Variants in B3GALNT2 observed in about 807,000 individuals in gnomAD.
B3GALNT2 encodes the protein UDP-GalNAc:beta-1,3-N-acetylgalactosaminyltransferase 2.
A neutral mutation model predicts 61.1 loss-of-function variants in B3GALNT2; 53 were observed. The ratio of observed to expected loss-of-function variants is 0.87; its 90% CI spans 0.70 to 1.09. The LOEUF (loss-of-function observed/expected upper bound fraction) is 1.09. Ranked by LOEUF, B3GALNT2 falls within the 50% of genes least tolerant of loss-of-function variation. B3GALNT2 has a pLI of 0.00. For missense variants in B3GALNT2, 544 were observed against 623.0 expected (o/e 0.87, Z 1.35); for synonymous variants, 223 against 237.4 (o/e 0.94, Z 0.56).
chr1:235,450,543 T>C (rs770232244), intron 11 of B3GALNT2: 66 of 551,760 alleles, frequency 1.2e-4, no homozygotes, highest in Non-Finnish European at 2.0e-4. Context: ...CCTGTGGCTG[T>C]GGAATACAGA....
At chr1:235,450,861 T>A (rs1682854903) in intron 11 of B3GALNT2, 2 of 152,646 alleles carry the variant, frequency 1.3e-5, no homozygotes, top group African/African-American at 4.8e-5. Context: ...AGAGGAGGGA[T>A]TAAAGACTCC....
At chr1:235,492,582 C>T (rs560234076) in intron 2 of B3GALNT2, among the ~76,000 whole-genome samples, 14 of 152,294 alleles carry the variant, frequency 9.2e-5, no homozygotes, top group Admixed American at 6.5e-4. Context: ...ATTGGGAATA[C>T]ACCAGTGAAA....
chr1:235,465,360 GAGAA>G (rs1451165628), intron 7 of B3GALNT2: 2 of 333,460 alleles, frequency 6.0e-6, no homozygotes, highest in African/African-American at 2.2e-5. Context: ...CAAATCCATA[GAGAA>G]AGAAAGTGCA....
intron 6 of B3GALNT2, 98 bp from the exon 7 acceptor site, chr1:235,465,812 G>A (rs1683667005): frequency 2.1e-6 from 3 of 1,404,210 alleles, no homozygotes; most frequent in African/African-American, 2.9e-5. Flanking sequence ...GACTCCACTT[G>A]CAGCAGATAA....
chr1:235,462,541 C>T (rs909117669), intron 7 of B3GALNT2, among the ~76,000 whole-genome samples: 4 of 152,118 alleles, frequency 2.6e-5, no homozygotes, highest in African/African-American at 9.7e-5. Context: ...AGATCAATCA[C>T]AAAAACAATC....
intron 7 of B3GALNT2, among the ~76,000 whole-genome samples, chr1:235,460,154 C>A (rs1170235018): frequency 1.3e-5 from 2 of 151,630 alleles, no homozygotes; most frequent in East Asian, 3.9e-4. Context: ...CACTCTGTTG[C>A]ACAGACTGGA....
At chr1:235,458,168 A>G (rs1167919890) in intron 8 of B3GALNT2, among the ~76,000 whole-genome samples, 1 of 152,132 alleles carries the variant, frequency 6.6e-6, no homozygotes, top group African/African-American at 2.4e-5. Flanking sequence ...TTGGCTTCCC[A>G]AAGTGCTGCC....
At chr1:235,498,252 C>T (rs1685418642) in intron 1 of B3GALNT2, among the ~76,000 whole-genome samples, 1 of 152,106 alleles carries the variant, frequency 6.6e-6, no homozygotes, top group Non-Finnish European at 1.5e-5. Context: ...ACTCTTATCA[C>T]CTTTTATGTT....
Position 235,448,598 on chromosome 1 carries a change from G to GA in B3GALNT2, c.*1607dup. On this transcript the variant is annotated 3_prime_UTR_variant, in exon 12 of 12. Transcript: ENST00000366600. ...GCTACTGCCTGGGGACGGGGTGGGG[G>GA]AAGAGTATGTGTAGCATGCTTTATC... 1 of 1,417,652 alleles carries GA rather than the reference G, an allele frequency of 7.1e-7. No homozygotes were observed. The highest frequency in any genetic ancestry group is 1.0e-6 in the Non-Finnish European group (1 of 1,001,532). The allele number at this position is 1,417,652 out of a possible 1,614,324, so 87.8% of individuals were successfully genotyped here.
intron 11 of B3GALNT2, chr1:235,450,637 G>C (rs1682842009): frequency 2.9e-6 from 1 of 346,792 alleles, no homozygotes; most frequent in Non-Finnish European, 5.5e-6. Context: ...TGAGTTTCAT[G>C]TTTGCTAGTA....
intron 9 of B3GALNT2, 35 bp from the exon 10 acceptor site, chr1:235,454,350 T>G: frequency 1.9e-6 from 3 of 1,557,634 alleles, no homozygotes; most frequent in Non-Finnish European, 2.6e-6. Context: ...CTTGTGTTAG[T>G]CTGACACATA....
chr1:235,487,076 G>A (rs762638507), intron 3 of B3GALNT2, among the ~76,000 whole-genome samples: 3 of 151,472 alleles, frequency 2.0e-5, no homozygotes, highest in Non-Finnish European at 2.9e-5. Context: ...CAGGAGAATC[G>A]CTTGAACCTG....
Position 235,447,307 on chromosome 1 carries a change from A to G in B3GALNT2, c.*2899T>C, listed in dbSNP as rs1682421292. ...ATTTTTGATAGAAAAATATGTTTGA[A>G]TACACTGTGATATTTGTAGGAACAC... On this transcript the variant is annotated 3_prime_UTR_variant, in exon 12 of 12. Transcript: ENST00000366600. 6.6e-6 allele frequency among the ~76,000 whole-genome samples: 1 copy of G among 152,254 alleles called. No individual in the cohort carries two copies. Among genetic ancestry groups the G allele is most frequent in the South Asian group, 2.1e-4 (1 of 4,832 alleles).
rs1682764466 is a variant in B3GALNT2 at position 235,449,545 on chromosome 1, T to C, written c.*661A>G. Reference sequence around the variant, plus strand: ...TGTGACCTTCAGGATTTATGTTAGATGGCAGAAAGAAAATTTGGGTATTAG... The same window carrying C: ...TGTGACCTTCAGGATTTATGTTAGACGGCAGAAAGAAAATTTGGGTATTAG... On this transcript the variant is annotated 3_prime_UTR_variant, in exon 12 of 12. Coordinates refer to ENST00000366600, the MANE Select transcript of B3GALNT2 (RefSeq NM_152490.5). 2 of 152,464 alleles carry C rather than the reference T, an allele frequency of 1.3e-5. No homozygotes were observed. Among genetic ancestry groups the C allele is most frequent in the Admixed American group, 6.5e-5 (1 of 15,298 alleles). The allele number at this position is 152,464 out of a possible 1,614,324, so 9.4% of individuals were successfully genotyped here.
chr1:235,469,693 C>T (rs1440357084), intron 6 of B3GALNT2, among the ~76,000 whole-genome samples: 2 of 151,652 alleles, frequency 1.3e-5, no homozygotes, highest in African/African-American at 2.4e-5. Flanking sequence ...GCTAGGATTA[C>T]AGGCATGCAC....
intron 1 of B3GALNT2, among the ~76,000 whole-genome samples, chr1:235,496,003 A>G (rs1685301331): frequency 6.6e-6 from 1 of 152,002 alleles, no homozygotes; most frequent in South Asian, 2.1e-4. Flanking sequence ...TCCACAATAG[A>G]TATATTTCTT....
rs191685837 is a variant in B3GALNT2, at chr1:235,465,964, A to G, written c.763-250T>C. 2.2e-4 allele frequency among the ~76,000 whole-genome samples: 33 copies of G among 152,302 alleles called. No homozygotes were observed. In the East Asian group the frequency reaches 4.8e-3, roughly 22 times the overall value. On this transcript the variant is annotated intron_variant, in intron 6 of 11. Coordinates refer to ENST00000366600, the MANE Select transcript of B3GALNT2 (RefSeq NM_152490.5). ...AGGTGTTCAGAATTGCAACTTACATAGAATCATGTTTATGTACTTGCTACT... is the reference window on the plus strand; with the variant it reads ...AGGTGTTCAGAATTGCAACTTACATGGAATCATGTTTATGTACTTGCTACT...
chr1:235,499,639 T>C (rs1454283971), intron 1 of B3GALNT2, among the ~76,000 whole-genome samples: 1 of 152,182 alleles, frequency 6.6e-6, no homozygotes, highest in Non-Finnish European at 1.5e-5. Flanking sequence ...GGCATATAAA[T>C]TTATTTGATC....
intron 5 of B3GALNT2, among the ~76,000 whole-genome samples, chr1:235,476,673 A>T (rs1572524064): frequency 6.6e-6 from 1 of 151,866 alleles, no homozygotes; most frequent in East Asian, 1.9e-4. Context: ...AACATGGTAA[A>T]ATCTTGTCTC....
Sources: allele counts gnomAD v4.1 joint callset (sites outside exome capture counted in the v4.1 genomes callset), GRCh38; gene constraint gnomAD v4.1.1; transcripts MANE v1.5; gene names NCBI Gene and HGNC (gene_info 2026-07-23, HGNC 2026-07-21).